Variants in MAP4K3 observed in about 807,000 individuals in gnomAD.
MAP4K3 encodes the protein mitogen-activated protein kinase kinase kinase kinase 3, also known as MAPK/ERK kinase kinase kinase 3.
Under a neutral mutation model 143.5 loss-of-function variants are expected in MAP4K3, and 94 were observed. The observed-to-expected ratio is 0.65, with a 90% CI of 0.55 to 0.78. The LOEUF (loss-of-function observed/expected upper bound fraction) is 0.78. MAP4K3 is among the 30% of genes least tolerant of loss of function. The pLI, the probability that MAP4K3 is intolerant of heterozygous loss-of-function variation, is 0.00. For synonymous variants in MAP4K3, 416 were observed against 347.2 expected, an observed-to-expected ratio of 1.20 and a Z score of -2.20; for missense variants, 1,077 against 1,068.1, an observed-to-expected ratio of 1.01 and a Z score of -0.12.
intron 7 of MAP4K3, among the ~76,000 whole-genome samples, chr2:39,332,374 T>C (rs1237198168): frequency 6.6e-6 from 1 of 152,050 alleles, no homozygotes; most frequent in African/African-American, 2.4e-5. Flanking sequence ...GACATTATAT[T>C]CCATTCACTT....
Position 39,260,738 on chromosome 2 carries a change from C to G in MAP4K3, c.2176G>C (p.Glu726Gln). 6.2e-7 allele frequency: 1 copy of G among 1,613,480 alleles called. No individual in the cohort carries two copies. The highest frequency in any genetic ancestry group is 2.2e-5 in the East Asian group (1 of 44,864). The change falls in exon 29 of 34, where the codon GAA (glutamate) becomes CAA (glutamine). Residue 726 changes from glutamate to glutamine, a missense_variant. Coordinates refer to ENST00000263881, the MANE Select transcript of MAP4K3 (RefSeq NM_003618.4). Reference sequence around the variant, plus strand: ...TCCTGTTCAGGAACTACCAGCATTTCAAACATTCTAAGTGGACATGGTATA... The same window carrying G: ...TCCTGTTCAGGAACTACCAGCATTTGAAACATTCTAAGTGGACATGGTATA... ...FPIPCPLRMF[E>Q]MLVVPEQEYP...
chr2:39,384,839 T>C (rs531602365), intron 1 of MAP4K3, among the ~76,000 whole-genome samples: 246 of 152,326 alleles, frequency 1.6e-3, no homozygotes, highest in Non-Finnish European at 3.0e-3. Flanking sequence ...TATTAGATTA[T>C]GTAACCACCA....
chr2:39,391,476 A>T (rs1666658611), intron 1 of MAP4K3, among the ~76,000 whole-genome samples: 1 of 152,094 alleles, frequency 6.6e-6, no homozygotes, highest in African/African-American at 2.4e-5. Context: ...TGGCAAAGAA[A>T]ACCATTTACT....
chr2:39,419,848 C>T (rs1409210934), intron 1 of MAP4K3, among the ~76,000 whole-genome samples: 3 of 152,152 alleles, frequency 2.0e-5, no homozygotes, highest in Admixed American at 6.5e-5. Context: ...ATTCTCTGCT[C>T]AATGCTTTTT....
intron 4 of MAP4K3, among the ~76,000 whole-genome samples, chr2:39,339,968 G>C (rs1451818976): frequency 6.6e-6 from 1 of 152,072 alleles, no homozygotes; most frequent in Non-Finnish European, 1.5e-5. Flanking sequence ...ACGGGTTGTG[G>C]AAAGTTATTA....
intron 19 of MAP4K3, 40 bp from the exon 20 acceptor site, chr2:39,288,320 A>G: frequency 1.3e-6 from 2 of 1,578,356 alleles, no homozygotes; most frequent in African/African-American, 2.7e-5. Flanking sequence ...ATGAAACATC[A>G]AATTATTTTC....
chr2:39,399,144 A>T (rs928934272), intron 1 of MAP4K3, among the ~76,000 whole-genome samples: 1 of 152,216 alleles, frequency 6.6e-6, no homozygotes, highest in Admixed American at 6.5e-5. Flanking sequence ...CTATCAATTA[A>T]AACTAAAGAA....
intron 1 of MAP4K3, among the ~76,000 whole-genome samples, chr2:39,393,704 G>C (rs186834164): frequency 1.2e-3 from 176 of 152,176 alleles, no homozygotes; most frequent in African/African-American, 3.7e-3. Flanking sequence ...TTTGAGGGCT[G>C]GATCTGCACT....
chr2:39,303,925 G>GA (rs11448994), intron 15 of MAP4K3, among the ~76,000 whole-genome samples: 7,502 of 152,132 alleles, frequency 0.049, 311 homozygotes, highest in African/African-American at 0.11. Context: ...ATGCAAATTA[G>GA]AAAAAAATAG....
intron 16 of MAP4K3, 116 bp from the exon 17 acceptor site, chr2:39,293,384 C>T: frequency 1.4e-6 from 1 of 695,288 alleles, no homozygotes. Flanking sequence ...ACTTTTTTAC[C>T]ATTTACTGAA....
chr2:39,416,006 A>ATATATATAAAAAT (rs1420812309), intron 1 of MAP4K3, among the ~76,000 whole-genome samples: 1 of 75,886 alleles, frequency 1.3e-5, no homozygotes, highest in African/African-American at 7.2e-5. Flanking sequence ...TATATATATA[A>ATATATATAAAAAT]AAATAACATT....
intron 15 of MAP4K3, among the ~76,000 whole-genome samples, chr2:39,305,083 T>TTA (rs2148494254): frequency 6.6e-6 from 1 of 152,282 alleles, no homozygotes; most frequent in South Asian, 2.1e-4. Context: ...TATTGTTTAA[T>TTA]GAGTATAGAG....
intron 1 of MAP4K3, among the ~76,000 whole-genome samples, chr2:39,428,841 G>A (rs1033195157): frequency 1.3e-5 from 2 of 151,148 alleles, no homozygotes; most frequent in Admixed American, 1.3e-4. Flanking sequence ...AGGCTGAGGC[G>A]GGTGGATCAC....
At chr2:39,296,532 G>T (rs1194250498) in intron 16 of MAP4K3, among the ~76,000 whole-genome samples, 2 of 152,156 alleles carry the variant, frequency 1.3e-5, no homozygotes, top group Admixed American at 1.3e-4. Context: ...GGTTAAAAAT[G>T]AAACAATGTA....
At chr2:39,278,050 G>A (rs1267098658) in intron 24 of MAP4K3, among the ~76,000 whole-genome samples, 2 of 148,350 alleles carry the variant, frequency 1.3e-5, no homozygotes, top group Non-Finnish European at 3.0e-5. Context: ...GGGAGGCCGA[G>A]GCGGGCAGAT....
intron 2 of MAP4K3, among the ~76,000 whole-genome samples, chr2:39,365,690 C>T (rs961557688): frequency 2.0e-5 from 3 of 151,316 alleles, no homozygotes; most frequent in Non-Finnish European, 4.4e-5. Context: ...ATGATCCACC[C>T]GCCTCGGCCT....
At chr2:39,255,774 C>A (rs1680318133) in intron 31 of MAP4K3, among the ~76,000 whole-genome samples, 1 of 152,188 alleles carries the variant, frequency 6.6e-6, no homozygotes, top group Non-Finnish European at 1.5e-5. Context: ...AATTCTCCTG[C>A]CTCAGCCTCC....
At chr2:39,284,571 C>T (rs1435385510) in intron 21 of MAP4K3, among the ~76,000 whole-genome samples, 6 of 151,966 alleles carry the variant, frequency 3.9e-5, no homozygotes, top group South Asian at 2.1e-4. Context: ...TAAGGCTGGG[C>T]GCAGTGGCTC....
intron 2 of MAP4K3, among the ~76,000 whole-genome samples, chr2:39,369,205 G>GTTTTTTTTTGTTTTTTTTTTTTTTT (rs68013609): frequency 8.0e-6 from 1 of 125,362 alleles, no homozygotes; most frequent in East Asian, 2.3e-4. Context: ...TTTTTTTTTT[G>GTTTTTTTTTGTTTTTTTTTTTTTTT]TTTTTTTTGA....
Sources: allele counts gnomAD v4.1 joint callset (sites outside exome capture counted in the v4.1 genomes callset), GRCh38; gene constraint gnomAD v4.1.1; transcripts MANE v1.5; gene names NCBI Gene and HGNC (gene_info 2026-07-23, HGNC 2026-07-21).